The following CDH13 variants were observed in gnomAD, a reference collection of about 807,000 sequenced individuals.
CDH13 encodes cadherin-13.
In CDH13, 24 loss-of-function variants were observed where a neutral mutation model predicts 63.8. The ratio of observed to expected loss-of-function variants is 0.38; its 90% CI spans 0.27 to 0.53. CDH13 has a LOEUF of 0.53. CDH13 is among the 20% of genes least tolerant of loss of function. The pLI is 0.85. For synonymous variants in CDH13, 503 were observed against 355.3 expected (o/e 1.42, Z -4.67); for missense variants, 1,049 against 903.1 (o/e 1.16, Z -2.07).
intron 11 of CDH13, among the ~76,000 whole-genome samples, chr16:83,753,058 G>A (rs1245637873): frequency 6.6e-6 from 1 of 152,154 alleles, no homozygotes; most frequent in African/African-American, 2.4e-5. Flanking sequence ...AACCAGGTTG[G>A]CATTAACATA....
chr16:83,643,150 G>T (rs1480589706), intron 8 of CDH13, among the ~76,000 whole-genome samples: 1 of 61,180 alleles, frequency 1.6e-5, no homozygotes, highest in Middle Eastern at 5.3e-3. Context: ...GGGGGAGGGG[G>T]GAGGGATAGC....
chr16:82,725,235 G>C (rs570503610), intron 1 of CDH13, among the ~76,000 whole-genome samples: 1 of 152,090 alleles, frequency 6.6e-6, no homozygotes, highest in Non-Finnish European at 1.5e-5. Flanking sequence ...TGCAAATAAC[G>C]TACATATGTC....
intron 7 of CDH13, among the ~76,000 whole-genome samples, chr16:83,501,120 C>T (rs1227165593): frequency 6.6e-6 from 1 of 152,234 alleles, no homozygotes; most frequent in African/African-American, 2.4e-5. Flanking sequence ...ATCACAGACA[C>T]ACTGACCAGC....
At chr16:83,102,946 T>TCC (rs2034565401) in intron 3 of CDH13, among the ~76,000 whole-genome samples, 1 of 121,966 alleles carries the variant, frequency 8.2e-6, no homozygotes, top group African/African-American at 3.2e-5. Flanking sequence ...TTTTTTCTTT[T>TCC]TCTTTTTTTT....
chr16:82,835,502 T>A (rs2038728712), intron 1 of CDH13, among the ~76,000 whole-genome samples: 1 of 152,214 alleles, frequency 6.6e-6, no homozygotes, highest in Non-Finnish European at 1.5e-5. Context: ...GGAAAGTGAA[T>A]TCAGTTGCTG....
chr16:83,447,145 T>A (rs71402076), intron 6 of CDH13, among the ~76,000 whole-genome samples: 2 of 123,560 alleles, frequency 1.6e-5, no homozygotes, highest in African/African-American at 6.2e-5. Context: ...CTGGATGCGG[T>A]GGCTCACGCC....
At chr16:83,052,776 CAAAAAAAAAAAA>C (rs71148805) in intron 3 of CDH13, among the ~76,000 whole-genome samples, 5 of 92,920 alleles carry the variant, frequency 5.4e-5, no homozygotes, top group African/African-American at 1.9e-4. Context: ...GACTTTATCT[CAAAAAAAAAAAA>C]AAAAAAAAAA....
chr16:83,654,963 C>T (rs1010933834), intron 8 of CDH13: 1 of 152,214 alleles, frequency 6.6e-6, no homozygotes, highest in African/African-American at 2.4e-5. Context: ...CCGCATCAGC[C>T]CACCTGCTTC....
Position 83,670,931 on chromosome 16 carries a change from A to G in CDH13, c.1243A>G (p.Thr415Ala). Residue 415 changes from threonine (T) to alanine (A), a missense_variant, in exon 9 of 14, where the codon ACC (threonine) becomes GCC (alanine). Thr to Ala is a moderately conservative substitution (Grantham distance 58). Transcript: ENST00000567109. ...CCCCGGGCAGAGCTTTGAAATCCAC[A>G]CCAACCCTCAAACCAACGAAGGGAT... ...GNPGQSFEIH[T>A]NPQTNEGMLS... 1 of 1,609,742 alleles carries G rather than the reference A, an allele frequency of 6.2e-7. No individual in the cohort carries two copies. Among genetic ancestry groups the G allele is most frequent in the South Asian group, 1.1e-5 (1 of 90,688 alleles).
chr16:83,565,948 C>T (rs759401828), intron 7 of CDH13, among the ~76,000 whole-genome samples: 1 of 152,192 alleles, frequency 6.6e-6, no homozygotes, highest in Admixed American at 6.5e-5. Context: ...CTTCTTTCAG[C>T]ACCCACCTCT....
At chr16:83,253,109 G>A (rs914925800) in intron 5 of CDH13, among the ~76,000 whole-genome samples, 1 of 152,166 alleles carries the variant, frequency 6.6e-6, no homozygotes, top group Non-Finnish European at 1.5e-5. Context: ...TCTGGTGGTG[G>A]TGTCCTCCTC....
intron 7 of CDH13, among the ~76,000 whole-genome samples, chr16:83,584,048 G>A (rs1422217774): frequency 1.3e-5 from 2 of 151,428 alleles, no homozygotes; most frequent in African/African-American, 2.4e-5. Context: ...CATGGTTTCT[G>A]GCTGGGCGCG....
At chr16:83,560,811 CATA>C (rs1186607971) in intron 7 of CDH13, among the ~76,000 whole-genome samples, 1 of 92,504 alleles carries the variant, frequency 1.1e-5, no homozygotes, top group Non-Finnish European at 2.3e-5. Flanking sequence ...CAACCTTAAT[CATA>C]TGAGTTGGTT....
chr16:83,025,489 C>G (rs1188094521), intron 2 of CDH13, among the ~76,000 whole-genome samples: 1 of 152,150 alleles, frequency 6.6e-6, no homozygotes, highest in African/African-American at 2.4e-5. Flanking sequence ...CCCATCAGAT[C>G]TCGCCAGAAC....
At chr16:82,979,158 G>A (rs1196818326) in intron 2 of CDH13, among the ~76,000 whole-genome samples, 1 of 152,234 alleles carries the variant, frequency 6.6e-6, no homozygotes, top group Non-Finnish European at 1.5e-5. Context: ...TGGAACAGAT[G>A]TATTTATCCA....
intron 5 of CDH13, among the ~76,000 whole-genome samples, chr16:83,320,248 G>C (rs1194023070): frequency 6.6e-6 from 1 of 151,202 alleles, no homozygotes; most frequent in African/African-American, 2.4e-5. Flanking sequence ...GTCTCATTCT[G>C]TTGCCCAGGC....
At chr16:82,911,378 A>G (rs1398143021) in intron 2 of CDH13, among the ~76,000 whole-genome samples, 1 of 152,118 alleles carries the variant, frequency 6.6e-6, no homozygotes, top group Non-Finnish European at 1.5e-5. Flanking sequence ...CCTCATCACA[A>G]AACTGCAAAG....
chr16:83,754,020 G>A (rs433686), intron 11 of CDH13, among the ~76,000 whole-genome samples: 39,699 of 151,658 alleles, frequency 0.26, 5,717 homozygotes, highest in Non-Finnish European at 0.34. Context: ...AGAGAGCCTA[G>A]GATGGAGGGA....
chr16:82,802,146 A>G (rs1350337058), intron 1 of CDH13, among the ~76,000 whole-genome samples: 3 of 152,144 alleles, frequency 2.0e-5, no homozygotes, highest in African/African-American at 7.2e-5. Flanking sequence ...TCTAAGGGGC[A>G]TAATATTCAG....
Sources: gnomAD v4.1 joint callset for allele counts (sites outside exome capture counted in the v4.1 genomes callset) on GRCh38, gnomAD v4.1.1 for gene constraint, MANE v1.5 for transcripts, NCBI Gene and HGNC (gene_info 2026-07-23, HGNC 2026-07-21) for gene names.